The following SPRED2 variants were observed in gnomAD, a reference collection of about 807,000 sequenced individuals.
SPRED2 encodes the protein sprouty related EVH1 domain containing 2, also known as sprouty-related, EVH1 domain-containing protein 2.
A neutral mutation model predicts 43.0 loss-of-function variants in SPRED2; 47 were observed. That is an observed-to-expected ratio of 1.09 (90% CI 0.87 to 1.40). The LOEUF is 1.40. Among genes scored for constraint, SPRED2 ranks in the 40% most tolerant of loss-of-function variants. The pLI, the probability that SPRED2 is intolerant of heterozygous loss-of-function variation, is 0.00. For missense variants in SPRED2, 561 were observed against 586.4 expected, an observed-to-expected ratio of 0.96 and a Z score of 0.45; for synonymous variants, 225 against 225.7, an observed-to-expected ratio of 1.00 and a Z score of 0.03.
At chr2:65,307,932 C>T (rs1395263862), downstream of SPRED2, among the ~76,000 whole-genome samples, 1 of 152,232 alleles carries the variant, frequency 6.6e-6, no homozygotes, top group African/African-American at 2.4e-5. Context: ...TTTCACAAGC[C>T]TCCTCCCCAC....
At chr2:65,336,498 G>C (rs1202224680) in intron 2 of SPRED2, among the ~76,000 whole-genome samples, 2 of 152,156 alleles carry the variant, frequency 1.3e-5, no homozygotes, top group Non-Finnish European at 2.9e-5. Flanking sequence ...ATTGTATTGA[G>C]ATCGGACAAC....
At chr2:65,397,826 C>A (rs4671662) in intron 1 of SPRED2, among the ~76,000 whole-genome samples, 40,966 of 151,934 alleles carry the variant, frequency 0.27, 6,891 homozygotes, top group East Asian at 0.69. Flanking sequence ...AAGCAATCTA[C>A]AAATTCAATG....
chr2:65,329,452 A>G (rs925807513), intron 4 of SPRED2, among the ~76,000 whole-genome samples: 7 of 152,236 alleles, frequency 4.6e-5, no homozygotes, highest in Admixed American at 4.6e-4. Flanking sequence ...TTGATCGCAG[A>G]CACCAGGGTC....
In SPRED2 at chr2:65,312,747, T is replaced by C; in HGVS notation, c.*754A>G. ...TGCAATGCAGTTGAAGGAATTTTCCTGATTCTCACAAGTTAATCTGAAGTT... is the reference window on the plus strand; with the variant it reads ...TGCAATGCAGTTGAAGGAATTTTCCCGATTCTCACAAGTTAATCTGAAGTT... On this transcript the variant is annotated 3_prime_UTR_variant, in exon 6 of 6. Coordinates refer to ENST00000356388, the MANE Select transcript of SPRED2 (RefSeq NM_181784.3). 4.1e-6 allele frequency: 4 copies of C among 985,920 alleles called. No homozygotes were observed. The highest frequency in any genetic ancestry group is 4.8e-6 in the Non-Finnish European group (4 of 829,942). 61.1% of individuals were successfully genotyped at this position (985,920 alleles called of 1,614,324 possible).
At position 65,401,148 on chromosome 2, in the gene SPRED2, T is replaced by A. The variant is rs1039958315; in HGVS notation, c.26+30814A>T. The stretch of plus-strand genomic sequence containing the variant: ...ACGCCTGGCAATTTTTTTTTTTTTT[T>A]ATTTCTTAGTAGAGACGTGGTTTCA... On this transcript the variant is annotated intron_variant, in intron 1 of 5. Transcript: ENST00000356388. 5.9e-5 allele frequency among the ~76,000 whole-genome samples: 9 copies of A among 151,710 alleles called. No homozygotes were observed. The East Asian group carries it at 1.6e-3, about 26-fold the overall frequency.
intron 4 of SPRED2, among the ~76,000 whole-genome samples, chr2:65,319,820 T>A (rs973376113): frequency 1.3e-5 from 2 of 152,132 alleles, no homozygotes; most frequent in Non-Finnish European, 2.9e-5. Context: ...TAAGGGACTC[T>A]GAGAGATGGT....
chr2:65,322,294 A>C (rs56015899), intron 4 of SPRED2, among the ~76,000 whole-genome samples: 2 of 64,928 alleles, frequency 3.1e-5, no homozygotes, highest in African/African-American at 1.4e-4. Flanking sequence ...ATATATATAT[A>C]TTTTTTTTTT....
rs368986203 is a variant in SPRED2, at chr2:65,397,244, CT to C, written c.26+34717del. Among the ~76,000 whole-genome samples the C allele has an allele frequency of 3.5e-4, 53 of 152,262 alleles. 2 individuals carry two copies. The South Asian group carries it at 9.8e-3, about 28-fold the overall frequency. ...CTGCATGGCCTGGCCTCTGAGACCC[CT>C]ATCACAGTATTTACTCCTGAGTACC... On this transcript the variant is annotated intron_variant, in intron 1 of 5. Transcript: ENST00000356388.
At chr2:65,384,106 G>A (rs527624081) in intron 1 of SPRED2, among the ~76,000 whole-genome samples, 2 of 152,122 alleles carry the variant, frequency 1.3e-5, no homozygotes, top group Admixed American at 1.3e-4. Context: ...TGCTCAGCTA[G>A]AAGCCTCAGC....
intron 1 of SPRED2, among the ~76,000 whole-genome samples, chr2:65,430,785 G>C (rs934736): frequency 0.92 from 139,287 of 152,132 alleles, 63,898 homozygotes; most frequent in African/African-American, 0.96. Context: ...TGAAAGGAAC[G>C]GATGCAGGCT....
Position 65,425,372 on chromosome 2 carries a change from G to C in SPRED2, c.26+6590C>G, listed in dbSNP as rs191942462. 2.4e-4 allele frequency among the ~76,000 whole-genome samples: 37 copies of C among 152,302 alleles called. No individual in the cohort carries two copies. The East Asian group carries it at 6.4e-3, about 26-fold the overall frequency. The stretch of plus-strand genomic sequence containing the variant: ...CTGTTTCTTTACCTTTACCCTCTAA[G>C]TGCAAGTAAACACAGAAAGTTTGTT... On this transcript the variant is annotated intron_variant, in intron 1 of 5. Transcript: ENST00000356388.
chr2:65,394,755 G>A (rs758682805), intron 1 of SPRED2, among the ~76,000 whole-genome samples: 19 of 152,144 alleles, frequency 1.2e-4, no homozygotes, highest in African/African-American at 3.9e-4. Flanking sequence ...ACTGAAGTCC[G>A]CTTCCGATCA....
chr2:65,422,555 TG>T (rs1251379465), intron 1 of SPRED2, among the ~76,000 whole-genome samples: 4 of 152,214 alleles, frequency 2.6e-5, no homozygotes, highest in Non-Finnish European at 5.9e-5. Flanking sequence ...CCCTCTCCTC[TG>T]GCTGTACTTC....
chr2:65,404,774 C>T (rs1229833964), intron 1 of SPRED2, among the ~76,000 whole-genome samples: 1 of 152,178 alleles, frequency 6.6e-6, no homozygotes, highest in Admixed American at 6.5e-5. Context: ...AAACACGTGC[C>T]TGTTTCTTAC....
At chr2:65,374,634 C>A (rs992080923) in intron 1 of SPRED2, among the ~76,000 whole-genome samples, 1 of 152,202 alleles carries the variant, frequency 6.6e-6, no homozygotes, top group Non-Finnish European at 1.5e-5. Context: ...TTAAATAAAT[C>A]ACCAGCAGGG....
rs952097257 is a variant in SPRED2 at position 65,422,912 on chromosome 2, C to T, written c.26+9050G>A. 4.6e-5 allele frequency among the ~76,000 whole-genome samples: 7 copies of T among 152,114 alleles called. No homozygotes were observed. In the East Asian group the frequency reaches 7.7e-4, roughly 17 times the overall value. On this transcript the variant is annotated intron_variant, in intron 1 of 5. Transcript: ENST00000356388. ...ATTCTAGCAAGGCAGATTTGCTTTGCGAGTCTGAGCCTGAGAAAAAAATCA... is the reference window on the plus strand; with the variant it reads ...ATTCTAGCAAGGCAGATTTGCTTTGTGAGTCTGAGCCTGAGAAAAAAATCA...
intron 1 of SPRED2, among the ~76,000 whole-genome samples, chr2:65,347,235 T>A (rs549851665): frequency 4.6e-5 from 7 of 152,192 alleles, no homozygotes; most frequent in African/African-American, 1.7e-4. Context: ...TCCCCTTGCT[T>A]GTTGCCATTG....
At chr2:65,347,445 G>A (rs1558662639) in intron 1 of SPRED2, among the ~76,000 whole-genome samples, 1 of 152,056 alleles carries the variant, frequency 6.6e-6, no homozygotes, top group Admixed American at 6.5e-5. Flanking sequence ...GTCCCCCAAA[G>A]ACAACTTCAC....
rs867077963 is a variant in SPRED2, at chr2:65,312,195, T to C, written c.*1306A>G. The C allele has an allele frequency of 3.0e-6, 3 of 985,734 alleles. No individual in the cohort carries two copies. Among genetic ancestry groups the C allele is most frequent in the African/African-American group, 1.7e-5 (1 of 57,348 alleles). 61.1% of individuals were successfully genotyped at this position (985,734 alleles called of 1,614,324 possible). ...GTGGCAAGGCGACAGGCAGAACCAG[T>C]TGGCTGACCTAACCACCTGTGCACC... On this transcript the variant is annotated 3_prime_UTR_variant, in exon 6 of 6. Transcript: ENST00000356388.
Sources: allele counts gnomAD v4.1 joint callset (sites outside exome capture counted in the v4.1 genomes callset), GRCh38; gene constraint gnomAD v4.1.1; transcripts MANE v1.5; gene names NCBI Gene and HGNC (gene_info 2026-07-23, HGNC 2026-07-21).